NRXN1: variants seen among roughly 807,000 people sequenced by gnomAD.
NRXN1 encodes the protein neurexin-1.
In NRXN1, 39 loss-of-function variants were observed where a neutral mutation model predicts 150.9. The observed-to-expected ratio is 0.26, with a 90% CI of 0.20 to 0.34. NRXN1 has a LOEUF of 0.34. Among genes scored for constraint, NRXN1 ranks in the 10% least tolerant of loss-of-function variants. The pLI is 1.00. For missense variants in NRXN1, 1,815 were observed against 1,949.9 expected, an observed-to-expected ratio of 0.93 and a Z score of 1.30; for synonymous variants, 924 against 757.0, an observed-to-expected ratio of 1.22 and a Z score of -3.62.
intron 18 of NRXN1, among the ~76,000 whole-genome samples, chr2:50,227,838 G>A (rs182353040): frequency 3.9e-5 from 6 of 152,126 alleles, no homozygotes; most frequent in Admixed American, 3.9e-4. Context: ...CATATGTTGA[G>A]CATTTGAGAT....
intron 2 of NRXN1, among the ~76,000 whole-genome samples, chr2:50,961,169 G>A (rs543052104): frequency 2.0e-5 from 3 of 151,858 alleles, no homozygotes; most frequent in Non-Finnish European, 4.4e-5. Flanking sequence ...TGTTTCTCTC[G>A]ATAATCCTGT....
At chr2:50,737,265 T>C (rs1182251545) in intron 5 of NRXN1, among the ~76,000 whole-genome samples, 1 of 152,186 alleles carries the variant, frequency 6.6e-6, no homozygotes, top group Non-Finnish European at 1.5e-5. Flanking sequence ...TGATATACAC[T>C]GTGTAGAAAG....
At chr2:50,028,654 C>A (rs1262795732) in intron 21 of NRXN1, among the ~76,000 whole-genome samples, 1 of 152,220 alleles carries the variant, frequency 6.6e-6, no homozygotes, top group East Asian at 1.9e-4. Flanking sequence ...CCATGCCTGG[C>A]AGGTAGTCAG....
At chr2:50,531,043 C>A (rs2093087586) in intron 11 of NRXN1, among the ~76,000 whole-genome samples, 184 bp downstream of exon 11, 1 of 152,066 alleles carries the variant, frequency 6.6e-6, no homozygotes, top group South Asian at 2.1e-4. Context: ...TTATGTTAAA[C>A]ATAAAAAATA....
intron 5 of NRXN1, chr2:50,624,843 G>A (rs1466611278): frequency 6.6e-6 from 1 of 151,994 alleles, no homozygotes; most frequent in Non-Finnish European, 1.5e-5. Context: ...CTCACGAGAT[G>A]CTAGACAGAT....
In NRXN1 at chr2:50,410,196, GA is replaced by G. The variant is rs560595370; in HGVS notation, c.3364+55245del. Among the ~76,000 whole-genome samples, 1,101 of 150,078 alleles carry G rather than the reference GA, an allele frequency of 7.3e-3. 19 individuals carry two copies. Among genetic ancestry groups the G allele is most frequent in the African/African-American group, 0.025 (1,043 of 40,964 alleles). The stretch of plus-strand genomic sequence containing the variant: ...AAGCCCTTCACCAGGATAGAGTGAA[GA>G]AAAAAAAAGAGTACCTCTAAATTTG... On this transcript the variant is annotated intron_variant, in intron 17 of 22. Coordinates refer to ENST00000401669, the MANE Select transcript of NRXN1 (RefSeq NM_001330078.2).
chr2:50,070,633 A>C (rs932247836), intron 19 of NRXN1, among the ~76,000 whole-genome samples: 1 of 151,292 alleles, frequency 6.6e-6, no homozygotes, highest in African/African-American at 2.4e-5. Flanking sequence ...ATCCGGGCGT[A>C]GTGGCGGGCG....
chr2:50,251,148 C>T (rs1256708667), intron 17 of NRXN1, among the ~76,000 whole-genome samples: 1 of 151,360 alleles, frequency 6.6e-6, no homozygotes, highest in Non-Finnish European at 1.5e-5. Flanking sequence ...TATTGAGCCC[C>T]ACATGTGTTA....
chr2:50,593,397 G>A (rs1361832809), intron 8 of NRXN1, among the ~76,000 whole-genome samples: 3 of 152,108 alleles, frequency 2.0e-5, no homozygotes, highest in Non-Finnish European at 4.4e-5. Context: ...GAATTTACAA[G>A]CATGTATATT....
chr2:50,566,656 T>C (rs1669920933), intron 8 of NRXN1, among the ~76,000 whole-genome samples: 1 of 152,152 alleles, frequency 6.6e-6, no homozygotes, highest in Non-Finnish European at 1.5e-5. Flanking sequence ...CTCATGACAG[T>C]CTTATGAAGT....
chr2:50,461,734 A>G (rs2088240820), intron 17 of NRXN1, among the ~76,000 whole-genome samples: 1 of 152,016 alleles, frequency 6.6e-6, no homozygotes, highest in South Asian at 2.1e-4. Flanking sequence ...ACTGTTTCCT[A>G]CAATTTCAGA....
intron 5 of NRXN1, among the ~76,000 whole-genome samples, chr2:50,789,020 G>A (rs1705560635): frequency 6.6e-6 from 1 of 152,070 alleles, no homozygotes; most frequent in African/African-American, 2.4e-5. Context: ...AGAAAAGGGA[G>A]ACCAGGAAAA....
intron 21 of NRXN1, 112 bp downstream of exon 21, chr2:50,053,159 T>C: frequency 9.8e-7 from 1 of 1,024,392 alleles, no homozygotes; most frequent in Admixed American, 1.7e-5. Context: ...AAGGAAGCTG[T>C]AGTGCCTAAG....
chr2:50,817,756 T>C (rs112431922), intron 5 of NRXN1, among the ~76,000 whole-genome samples: 58 of 152,164 alleles, frequency 3.8e-4, no homozygotes, highest in African/African-American at 1.3e-3. Context: ...AGAGTGATCA[T>C]CTCAATAGAT....
intron 17 of NRXN1, among the ~76,000 whole-genome samples, chr2:50,311,992 AC>A (rs2075224785): frequency 6.6e-6 from 1 of 152,166 alleles, no homozygotes; most frequent in Admixed American, 6.5e-5. Context: ...GGCAAAAATA[AC>A]AGAATATAGT....
At chr2:50,154,564 A>T (rs552719001) in intron 18 of NRXN1, among the ~76,000 whole-genome samples, 1 of 151,710 alleles carries the variant, frequency 6.6e-6, no homozygotes, top group Non-Finnish European at 1.5e-5. Flanking sequence ...ATCAGAGGTC[A>T]ACTGTGAGTG....
intron 18 of NRXN1, among the ~76,000 whole-genome samples, chr2:50,113,047 C>G (rs1213338221): frequency 1.3e-5 from 2 of 152,136 alleles, no homozygotes; most frequent in Non-Finnish European, 2.9e-5. Context: ...GATGCCAAGT[C>G]AAAATGTGAC....
intron 22 of NRXN1, among the ~76,000 whole-genome samples, chr2:49,931,493 C>T (rs917725887): frequency 6.6e-6 from 1 of 151,986 alleles, no homozygotes; most frequent in Non-Finnish European, 1.5e-5. Context: ...CACAGTACTG[C>T]AAATAGTTGA....
intron 17 of NRXN1, among the ~76,000 whole-genome samples, chr2:50,252,263 T>C (rs1465248539): frequency 8.6e-3 from 443 of 51,466 alleles, no homozygotes; most frequent in African/African-American, 0.014. Flanking sequence ...CTTTTCTTTT[T>C]TTTTTTTTTT....
Sources: allele counts gnomAD v4.1 joint callset (sites outside exome capture counted in the v4.1 genomes callset), GRCh38; gene constraint gnomAD v4.1.1; transcripts MANE v1.5; gene names NCBI Gene and HGNC (gene_info 2026-07-23, HGNC 2026-07-21).